The following RORA variants were observed in gnomAD, a reference collection of about 807,000 sequenced individuals.
The protein encoded by RORA is nuclear receptor ROR-alpha.
Under a neutral mutation model 69.5 loss-of-function variants are expected in RORA, and 7 were observed. The observed-to-expected ratio is 0.10, with a 90% CI of 0.06 to 0.19. The LOEUF is 0.19. RORA is among the 10% of genes least tolerant of loss of function. The pLI is 1.00. For missense variants in RORA, 457 were observed against 663.0 expected (o/e 0.69, Z 3.41); for synonymous variants, 261 against 240.8 (o/e 1.08, Z -0.78).
intron 1 of RORA, among the ~76,000 whole-genome samples, chr15:60,918,001 C>A (rs1595815834): frequency 1.3e-5 from 2 of 152,232 alleles, no homozygotes; most frequent in African/African-American, 4.8e-5. Context: ...CCAGTAACAG[C>A]AAACCTTGGA....
chr15:60,835,086 C>A (rs976886206), intron 1 of RORA, among the ~76,000 whole-genome samples: 1 of 152,002 alleles, frequency 6.6e-6, no homozygotes, highest in South Asian at 2.1e-4. Context: ...TCTACAAGAC[C>A]GGGTAGCAGT....
intron 2 of RORA, among the ~76,000 whole-genome samples, chr15:60,554,794 A>C (rs756006348): frequency 2.0e-5 from 3 of 152,176 alleles, no homozygotes; most frequent in Non-Finnish European, 4.4e-5. Flanking sequence ...AAGGACTGCC[A>C]TTTAGCATTC....
chr15:60,797,763 G>A (rs2072518887), intron 1 of RORA, among the ~76,000 whole-genome samples: 1 of 152,044 alleles, frequency 6.6e-6, no homozygotes, highest in South Asian at 2.1e-4. Context: ...TGGAGCCCTA[G>A]ATCTGGATGG....
intron 1 of RORA, among the ~76,000 whole-genome samples, chr15:61,178,091 C>T (rs2079648087): frequency 6.6e-6 from 1 of 152,124 alleles, no homozygotes. Flanking sequence ...TTAAAAAAGA[C>T]TCCAAGTGTT....
At chr15:60,949,370 A>G (rs1001616085) in intron 1 of RORA, among the ~76,000 whole-genome samples, 8 of 152,180 alleles carry the variant, frequency 5.3e-5, no homozygotes, top group Non-Finnish European at 1.0e-4. Context: ...ACCTCTCAAT[A>G]TGGAGCTAAA....
rs1290352823 is a variant in RORA at position 60,491,874 on chromosome 15, C to T, written c.*5581G>A. ...TTATGTTTAGGGATAGAATGAAGAC[C>T]TGTATCATAGACTCTTACCAATAGA... On this transcript the variant is annotated 3_prime_UTR_variant, in exon 11 of 11. Transcript: ENST00000335670. 1 of 152,046 alleles carries T rather than the reference C, an allele frequency of 6.6e-6. No individual in the cohort carries two copies. Among genetic ancestry groups the T allele is most frequent in the African/African-American group, 2.4e-5 (1 of 41,380 alleles). 9.4% of individuals were successfully genotyped at this position (152,046 alleles called of 1,614,324 possible).
At position 60,897,061 on chromosome 15, in the gene RORA, G is replaced by C. The variant is rs556852039; in HGVS notation, c.167-218375C>G. ...AGGAGTGGGTCCTGGGGTCTGGGGT[G>C]GGGTGGGAGACGTTTTCGATGTTGT... On this transcript the variant is annotated intron_variant, in intron 1 of 10. Coordinates refer to ENST00000335670, the MANE Select transcript of RORA (RefSeq NM_134261.3). Among the ~76,000 whole-genome samples the C allele has an allele frequency of 4.6e-5, 7 of 152,270 alleles. No individual in the cohort carries two copies. In the East Asian group the frequency reaches 5.8e-4, roughly 13 times the overall value.
intron 1 of RORA, among the ~76,000 whole-genome samples, chr15:60,761,482 C>A (rs1248003485): frequency 6.6e-6 from 1 of 152,066 alleles, no homozygotes; most frequent in African/African-American, 2.4e-5. Context: ...TAAGAAAGAG[C>A]TGGGCAACTC....
chr15:60,827,829 C>T (rs2072986667), intron 1 of RORA, among the ~76,000 whole-genome samples: 1 of 152,206 alleles, frequency 6.6e-6, no homozygotes, highest in African/African-American at 2.4e-5. Context: ...TTGAAGACTC[C>T]TTTATAGCAG....
At chr15:60,633,381 A>G (rs1156891323) in intron 2 of RORA, among the ~76,000 whole-genome samples, 1 of 152,216 alleles carries the variant, frequency 6.6e-6, no homozygotes, top group African/African-American at 2.4e-5. Context: ...TTTTTCTCAA[A>G]CCACAAAGCA....
At chr15:61,123,204 C>T (rs1022323388) in intron 1 of RORA, among the ~76,000 whole-genome samples, 1 of 152,072 alleles carries the variant, frequency 6.6e-6, no homozygotes, top group Non-Finnish European at 1.5e-5. Flanking sequence ...GCCCTGTTCT[C>T]AGGGCGGTGG....
At chr15:61,029,135 G>C (rs1374163109) in intron 1 of RORA, among the ~76,000 whole-genome samples, 1 of 151,868 alleles carries the variant, frequency 6.6e-6, no homozygotes, top group Non-Finnish European at 1.5e-5. Context: ...TGAATTGTGA[G>C]GTCTGTGAAT....
intron 1 of RORA, among the ~76,000 whole-genome samples, chr15:60,847,064 G>A (rs2073274270): frequency 6.6e-6 from 1 of 152,142 alleles, no homozygotes; most frequent in Admixed American, 6.6e-5. Context: ...AAAGTGCCTG[G>A]AATATACTTC....
chr15:60,796,289 G>A (rs113569573), intron 1 of RORA, among the ~76,000 whole-genome samples: 2 of 152,132 alleles, frequency 1.3e-5, no homozygotes, highest in Admixed American at 6.5e-5. Context: ...GACTCTCCAG[G>A]CACTCACCCT....
chr15:61,195,325 T>A (rs879680432), intron 1 of RORA, among the ~76,000 whole-genome samples: 4 of 151,614 alleles, frequency 2.6e-5, no homozygotes, highest in Admixed American at 1.3e-4. Context: ...CCACTAGAGG[T>A]CTACTCCACA....
At chr15:60,571,346 A>G (rs2067876311) in intron 2 of RORA, among the ~76,000 whole-genome samples, 1 of 152,034 alleles carries the variant, frequency 6.6e-6, no homozygotes, top group Non-Finnish European at 1.5e-5. Flanking sequence ...TGTGCCTGTA[A>G]AGACTAAATT....
chr15:60,635,401 T>G (rs1216900473), intron 2 of RORA, among the ~76,000 whole-genome samples: 1 of 152,164 alleles, frequency 6.6e-6, no homozygotes, highest in East Asian at 1.9e-4. Flanking sequence ...ATAATTTGAT[T>G]TTAAAAGCTG....
chr15:61,107,153 G>A (rs981091154), intron 1 of RORA, among the ~76,000 whole-genome samples: 8 of 152,108 alleles, frequency 5.3e-5, no homozygotes, highest in Non-Finnish European at 7.3e-5. Flanking sequence ...GGAATCACCC[G>A]TGCTCTGCTT....
At chr15:60,561,861 T>C (rs1024260963) in intron 2 of RORA, among the ~76,000 whole-genome samples, 2 of 152,262 alleles carry the variant, frequency 1.3e-5, no homozygotes, top group East Asian at 1.9e-4. Context: ...TGTTCCTGAC[T>C]AGATGCTGCC....
Sources: allele counts gnomAD v4.1 joint callset (sites outside exome capture counted in the v4.1 genomes callset), GRCh38; gene constraint gnomAD v4.1.1; transcripts MANE v1.5; gene names NCBI Gene and HGNC (gene_info 2026-07-23, HGNC 2026-07-21).